Variants in IQGAP2 observed in about 807,000 individuals in gnomAD.
IQGAP2 encodes the protein IQ motif containing GTPase activating protein 2.
A neutral mutation model predicts 201.3 loss-of-function variants in IQGAP2; 173 were observed. The observed-to-expected ratio is 0.86, with a 90% CI of 0.76 to 0.98. The LOEUF (loss-of-function observed/expected upper bound fraction) is 0.98, where lower values mean the gene tolerates loss of function less well. Ranked by LOEUF, IQGAP2 falls within the 50% of genes least tolerant of loss-of-function variation. The pLI, the probability that IQGAP2 is intolerant of heterozygous loss-of-function variation, is 0.00. For synonymous variants in IQGAP2, 675 were observed against 673.9 expected, an observed-to-expected ratio of 1.00 and a Z score of -0.03; for missense variants, 1,687 against 1,864.8, an observed-to-expected ratio of 0.90 and a Z score of 1.76.
intron 1 of IQGAP2, among the ~76,000 whole-genome samples, chr5:76,432,662 G>A (rs1179266352): frequency 6.6e-6 from 1 of 152,246 alleles, no homozygotes; most frequent in Non-Finnish European, 1.5e-5. Flanking sequence ...CTTAAACGGT[G>A]CCAGGGACTG....
chr5:76,433,921 A>G (rs1442479644), intron 1 of IQGAP2, among the ~76,000 whole-genome samples: 1 of 152,222 alleles, frequency 6.6e-6, no homozygotes, highest in African/African-American at 2.4e-5. Context: ...AGATACAGCT[A>G]TGAAGTTATG....
chr5:76,589,846 TTTA>T (rs1746522769), intron 7 of IQGAP2, 118 bp downstream of exon 7: 2 of 510,568 alleles, frequency 3.9e-6, no homozygotes, highest in African/African-American at 2.0e-5. Flanking sequence ...CCTAAAAGTT[TTTA>T]TTATTTGTTT....
chr5:76,409,860 T>C (rs1220761583), intron 1 of IQGAP2, among the ~76,000 whole-genome samples: 2 of 152,194 alleles, frequency 1.3e-5, no homozygotes, highest in Admixed American at 6.5e-5. Flanking sequence ...GTGGTGCTGA[T>C]AAAATGGCAG....
chr5:76,495,805 A>G (rs576056680), intron 2 of IQGAP2, among the ~76,000 whole-genome samples: 1 of 152,254 alleles, frequency 6.6e-6, no homozygotes, highest in East Asian at 1.9e-4. Context: ...ATCTTGCATG[A>G]ACTACCTGGG....
At chr5:76,509,871 C>A (rs556924251) in intron 2 of IQGAP2, among the ~76,000 whole-genome samples, 1 of 152,248 alleles carries the variant, frequency 6.6e-6, no homozygotes, top group Non-Finnish European at 1.5e-5. Context: ...ACTTTCTTCC[C>A]ACCCAACATT....
rs70982616 is a variant in IQGAP2, at chr5:76,509,029, ATGTGTGTGTG to A, written c.146+47380_146+47389del. 3.0e-4 allele frequency among the ~76,000 whole-genome samples: 45 copies of A among 148,898 alleles called. No homozygotes were observed. In the South Asian group the frequency reaches 4.7e-3, roughly 16 times the overall value. ...TGGTAAACAGTTTGGCTGTATATATATGTGTGTGTGTGTGTGTGTGTGTGTGTGTATGTAT... is the reference window on the plus strand; with the variant it reads ...TGGTAAACAGTTTGGCTGTATATATATGTGTGTGTGTGTGTGTGTATGTAT... On this transcript the variant is annotated intron_variant, in intron 2 of 35. Transcript: ENST00000274364.
rs746458730 is a variant in IQGAP2, at chr5:76,611,109, A to G, written c.1447A>G (p.Ile483Val). The G allele has an allele frequency of 1.2e-6, 2 of 1,613,934 alleles. No individual in the cohort carries two copies. Among genetic ancestry groups the G allele is most frequent in the East Asian group, 4.5e-5 (2 of 44,894 alleles). Residue 483 changes from isoleucine to valine, a missense_variant, in exon 13 of 36, where the codon ATT becomes GTT. Transcript: ENST00000274364. ...AACTTTGCTCCTACCTACTGCGAAT[A>G]TTAGTGATGTGGACCCAGCCCATGC... The part of the protein sequence containing the change: ...LETLLLPTAN[I>V]SDVDPAHAQH...
chr5:76,593,400 G>A (rs1408496838), intron 9 of IQGAP2, among the ~76,000 whole-genome samples: 1 of 152,108 alleles, frequency 6.6e-6, no homozygotes, highest in Non-Finnish European at 1.5e-5. Flanking sequence ...CAGTGAATGG[G>A]ACTATGGACA....
intron 1 of IQGAP2, among the ~76,000 whole-genome samples, chr5:76,421,875 C>T (rs1012557714): frequency 6.6e-6 from 1 of 152,200 alleles, no homozygotes; most frequent in Non-Finnish European, 1.5e-5. Flanking sequence ...TAACCTGGCT[C>T]ATCCAAATAC....
At position 76,594,962 on chromosome 5, in the gene IQGAP2, T is replaced by A. The variant is rs114958296; in HGVS notation, c.907+2037T>A. On this transcript the variant is annotated intron_variant, in intron 9 of 35. Coordinates refer to ENST00000274364, the MANE Select transcript of IQGAP2 (RefSeq NM_006633.5). ...GCCTGGATGATAGTGTGAGACTCCA[T>A]CTCAAAAAAAATTTAAAAAAAAAAA... is the stretch of plus-strand genomic sequence containing the variant. Among the ~76,000 whole-genome samples the A allele has an allele frequency of 8.8e-3, 1,257 of 143,630 alleles. 27 individuals carry two copies. The highest frequency in any genetic ancestry group is 0.031 in the African/African-American group (1,172 of 37,868). The allele number at this position is 143,630 out of a possible 152,430, so 94.2% of individuals were successfully genotyped here. A position where few individuals can be genotyped will look rare whatever the true frequency, so the allele number is the denominator to read the frequency against.
At chr5:76,503,196 C>T (rs1757386815) in intron 2 of IQGAP2, among the ~76,000 whole-genome samples, 3 of 89,104 alleles carry the variant, frequency 3.4e-5, no homozygotes, top group Non-Finnish European at 4.6e-5. Flanking sequence ...TTTTTTGAGA[C>T]GGAGTTTGGT....
At chr5:76,526,339 G>A (rs1422065196) in intron 2 of IQGAP2, among the ~76,000 whole-genome samples, 1 of 152,188 alleles carries the variant, frequency 6.6e-6, no homozygotes. Flanking sequence ...CTTGCTGAGA[G>A]GTAGGGGCAG....
intron 23 of IQGAP2, among the ~76,000 whole-genome samples, chr5:76,670,325 A>G (rs1340676751): frequency 6.6e-6 from 1 of 152,122 alleles, no homozygotes; most frequent in African/African-American, 2.4e-5. Context: ...ACTGGCTAAC[A>G]TGGTGAAACC....
At chr5:76,541,337 CAT>C (rs1412903976) in intron 2 of IQGAP2, among the ~76,000 whole-genome samples, 1 of 152,136 alleles carries the variant, frequency 6.6e-6, no homozygotes, top group Non-Finnish European at 1.5e-5. Context: ...CTTCAAGTTT[CAT>C]CGTGTGGCAT....
chr5:76,433,417 C>T (rs906436440), intron 1 of IQGAP2, among the ~76,000 whole-genome samples: 51 of 152,318 alleles, frequency 3.3e-4, no homozygotes, highest in African/African-American at 1.1e-3. Context: ...GTGGCCCTCT[C>T]TTACAGCTGT....
At chr5:76,531,300 T>G (rs1759275133) in intron 2 of IQGAP2, among the ~76,000 whole-genome samples, 1 of 152,190 alleles carries the variant, frequency 6.6e-6, no homozygotes, top group African/African-American at 2.4e-5. Flanking sequence ...GGGTCTCTGC[T>G]CTGTTGCCCA....
At chr5:76,487,188 T>C (rs1288125201) in intron 2 of IQGAP2, among the ~76,000 whole-genome samples, 1 of 151,178 alleles carries the variant, frequency 6.6e-6, no homozygotes, top group Non-Finnish European at 1.5e-5. Context: ...AACCTCCGCC[T>C]CCCAGGTTCA....
chr5:76,417,825 G>A (rs573727192), intron 1 of IQGAP2, among the ~76,000 whole-genome samples: 13 of 151,532 alleles, frequency 8.6e-5, no homozygotes, highest in Middle Eastern at 3.4e-3. Context: ...CAAGTGATCC[G>A]CCTCCCTCAG....
chr5:76,408,601 C>T (rs1384563831), intron 1 of IQGAP2, among the ~76,000 whole-genome samples: 2 of 151,948 alleles, frequency 1.3e-5, no homozygotes, highest in African/African-American at 2.4e-5. Context: ...ATGTAGAAAC[C>T]TCTAGCTATT....
Sources: gnomAD v4.1 joint callset for allele counts (sites outside exome capture counted in the v4.1 genomes callset) on GRCh38, gnomAD v4.1.1 for gene constraint, MANE v1.5 for transcripts, NCBI Gene and HGNC (gene_info 2026-07-23, HGNC 2026-07-21) for gene names.